Variants in ASIP observed in about 807,000 individuals in gnomAD.
The protein encoded by ASIP is agouti signaling protein, also known as agouti-signaling protein.
In ASIP, 11 loss-of-function variants were observed where a neutral mutation model predicts 10.3. That is an observed-to-expected ratio of 1.07 (90% CI 0.68 to 1.78). The LOEUF is 1.78. ASIP is among the 40% of genes most tolerant of loss of function. ASIP has a pLI of 0.00. For missense variants in ASIP, 180 were observed against 169.2 expected (o/e 1.06, Z -0.35); for synonymous variants, 70 against 70.8 (o/e 0.99, Z 0.06).
intron 1 of ASIP, among the ~76,000 whole-genome samples, chr20:34,243,583 G>A (rs1270810417): frequency 6.6e-6 from 1 of 151,868 alleles, no homozygotes; most frequent in Non-Finnish European, 1.5e-5. Context: ...TGTTGATACA[G>A]GCACACAGAC....
intron 1 of ASIP, among the ~76,000 whole-genome samples, chr20:34,206,907 T>C (rs902453002): frequency 6.6e-6 from 1 of 152,350 alleles, no homozygotes; most frequent in Admixed American, 6.5e-5. Context: ...CATTTGTTGA[T>C]GGACAGTTAG....
chr20:34,246,087 G>T, intron 1 of ASIP: 1 of 870,954 alleles, frequency 1.1e-6, no homozygotes, highest in Non-Finnish European at 1.9e-6. Context: ...GGCAGCACAG[G>T]AGAATTTTTG....
At chr20:34,197,410 C>G (rs1007974270) in intron 1 of ASIP, among the ~76,000 whole-genome samples, 1 of 152,176 alleles carries the variant, frequency 6.6e-6, no homozygotes, top group Admixed American at 6.5e-5. Flanking sequence ...CCAGGTCTTA[C>G]GCATTTTCAC....
intron 1 of ASIP, among the ~76,000 whole-genome samples, chr20:34,258,251 T>G (rs1384768933): frequency 6.6e-6 from 1 of 152,030 alleles, no homozygotes; most frequent in Non-Finnish European, 1.5e-5. Context: ...TCATGATTCT[T>G]ACAATCTAGA....
intron 1 of ASIP, among the ~76,000 whole-genome samples, chr20:34,253,425 C>T (rs1047238167): frequency 3.5e-5 from 5 of 141,660 alleles, no homozygotes; most frequent in Admixed American, 2.0e-4. Context: ...TTTCTTTTCC[C>T]TACGCTCTTA....
chr20:34,258,582 G>T (rs1388938485), intron 1 of ASIP, among the ~76,000 whole-genome samples: 6 of 139,710 alleles, frequency 4.3e-5, no homozygotes. Context: ...AGCTTGGATG[G>T]AATTTATTAC....
At chr20:34,259,297 G>C (rs1055312612) in intron 1 of ASIP, among the ~76,000 whole-genome samples, 5 of 152,008 alleles carry the variant, frequency 3.3e-5, no homozygotes, top group African/African-American at 1.2e-4. Flanking sequence ...CGGATCACTT[G>C]AGGACAAGAG....
chr20:34,235,891 AAGGAAGGAAAGG>A lies in ASIP; in HGVS notation c.-10-24472_-10-24461del, dbSNP rs1387572756. Among the ~76,000 whole-genome samples, 172 of 97,624 alleles carry A rather than the reference AAGGAAGGAAAGG, an allele frequency of 1.8e-3. 14 individuals carry two copies. Among genetic ancestry groups the A allele is most frequent in the South Asian group, 5.7e-3 (13 of 2,266 alleles). 64.0% of individuals were successfully genotyped at this position (97,624 alleles called of 152,430 possible). ...AAAGGAAGGAAGGAAGGAAGGAAGGAAGGAAGGAAAGGAAGGAAGGAAGGAAGGAAGGAAGGA... is the reference window on the plus strand; with the variant it reads ...AAAGGAAGGAAGGAAGGAAGGAAGGAAAGGAAGGAAGGAAGGAAGGAAGGA... On this transcript the variant is annotated intron_variant, in intron 1 of 3. Coordinates refer to the ASIP transcript ENST00000568305.
intron 1 of ASIP, among the ~76,000 whole-genome samples, chr20:34,220,963 T>C (rs1191764674): frequency 2.7e-5 from 4 of 147,734 alleles, no homozygotes; most frequent in Non-Finnish European, 6.0e-5. Flanking sequence ...CTTTTTTTTT[T>C]TTTTTTTTTT....
At chr20:34,222,766 GTGCCTGCAAT>G (rs1237546811) in intron 1 of ASIP, among the ~76,000 whole-genome samples, 1 of 151,596 alleles carries the variant, frequency 6.6e-6, no homozygotes, top group African/African-American at 2.4e-5. Flanking sequence ...AGCCTGCCGA[GTGCCTGCAAT>G]TGCAGGCACG....
chr20:34,233,426 T>C (rs2035138497), intron 1 of ASIP, among the ~76,000 whole-genome samples: 1 of 152,074 alleles, frequency 6.6e-6, no homozygotes, highest in Non-Finnish European at 1.5e-5. Context: ...GGATTACAGG[T>C]GTGAGCCACC....
At chr20:34,203,012 G>A (rs982891187) in intron 1 of ASIP, among the ~76,000 whole-genome samples, 12 of 152,008 alleles carry the variant, frequency 7.9e-5, no homozygotes, top group South Asian at 6.2e-4. Flanking sequence ...GTTTCACCGC[G>A]TTAGCCAGGA....
chr20:34,257,230 T>C (rs6059742), intron 1 of ASIP, among the ~76,000 whole-genome samples: 43,011 of 151,652 alleles, frequency 0.28, 10,973 homozygotes, highest in African/African-American at 0.69. Flanking sequence ...TTTATAGGCA[T>C]CTACTCAGGA....
chr20:34,234,958 T>C (rs1287310377), intron 1 of ASIP: 1 of 151,844 alleles, frequency 6.6e-6, no homozygotes, highest in Non-Finnish European at 1.5e-5. Flanking sequence ...GTGTTGTTTT[T>C]TTCATCATAG....
chr20:34,222,764 G>T (rs1009051253), intron 1 of ASIP, among the ~76,000 whole-genome samples: 2 of 150,074 alleles, frequency 1.3e-5, no homozygotes, highest in Non-Finnish European at 3.0e-5. Context: ...TCAGCCTGCC[G>T]AGTGCCTGCA....
intron 2 of ASIP, among the ~76,000 whole-genome samples, chr20:34,261,930 T>A (rs188337833): frequency 8.6e-5 from 13 of 151,806 alleles, no homozygotes; most frequent in Non-Finnish European, 1.5e-4. Flanking sequence ...CTGGCCAACA[T>A]GGCAAAACCC....
chr20:34,223,624 G>A (rs2035070947), intron 1 of ASIP, among the ~76,000 whole-genome samples: 2 of 139,844 alleles, frequency 1.4e-5, no homozygotes, highest in African/African-American at 2.9e-5. Context: ...CCGGCCAGCC[G>A]CCCCGTCCGG....
chr20:34,255,075 A>G (rs1359224110), intron 1 of ASIP, among the ~76,000 whole-genome samples: 4 of 152,168 alleles, frequency 2.6e-5, no homozygotes, highest in African/African-American at 7.2e-5. Context: ...TAGTGTTTAC[A>G]TTAGGCTTAT....
chr20:34,208,278 G>A lies in ASIP; in HGVS notation c.-11+13518G>A, dbSNP rs545988271. Among the ~76,000 whole-genome samples the A allele has an allele frequency of 9.9e-5, 15 of 152,162 alleles. No individual in the cohort carries two copies. In the South Asian group the frequency reaches 2.7e-3, roughly 27 times the overall value. Reference sequence around the variant, plus strand: ...TGATCAGGATAGCTTTGGCTATTCTGGGTCTTTTGCTGTTCCATATAAATT... The same window carrying A: ...TGATCAGGATAGCTTTGGCTATTCTAGGTCTTTTGCTGTTCCATATAAATT... On this transcript the variant is annotated intron_variant, in intron 1 of 3. Coordinates refer to the ASIP transcript ENST00000568305.
Sources: allele counts gnomAD v4.1 joint callset (sites outside exome capture counted in the v4.1 genomes callset), GRCh38; gene constraint gnomAD v4.1.1; transcripts MANE v1.5; gene names NCBI Gene and HGNC (gene_info 2026-07-23, HGNC 2026-07-21).